Variants in TP53BP2 observed in about 807,000 individuals in gnomAD.
TP53BP2 encodes the protein tumor protein p53 binding protein 2, also known as apoptosis-stimulating of p53 protein 2.
Under a neutral mutation model 126.2 loss-of-function variants are expected in TP53BP2, and 62 were observed. That is an observed-to-expected ratio of 0.49 (90% CI 0.40 to 0.61). TP53BP2 has a LOEUF of 0.61. Ranked by LOEUF, TP53BP2 falls within the 20% of genes least tolerant of loss-of-function variation. The pLI, the probability that TP53BP2 is intolerant of heterozygous loss-of-function variation, is 0.00. For missense variants in TP53BP2, 1,215 were observed against 1,402.8 expected (o/e 0.87, Z 2.14); for synonymous variants, 485 against 502.9 (o/e 0.96, Z 0.48).
intron 17 of TP53BP2, among the ~76,000 whole-genome samples, chr1:223,783,758 A>G (rs989081653): frequency 2.6e-5 from 4 of 152,204 alleles, no homozygotes; most frequent in African/African-American, 9.6e-5. Flanking sequence ...AAAACAAAGA[A>G]TCTTGTCCTT....
intron 1 of TP53BP2, among the ~76,000 whole-genome samples, chr1:223,842,651 CT>C (rs902755720): frequency 1.3e-5 from 2 of 152,192 alleles, no homozygotes; most frequent in African/African-American, 4.8e-5. Context: ...CAGAGAGTAG[CT>C]TTTAGAGTTA....
In TP53BP2 at chr1:223,795,895, A is replaced by G. The variant is rs1449998390; in HGVS notation, c.2644T>C (p.Ser882Pro). 6.8e-7 allele frequency: 1 copy of G among 1,480,080 alleles called. No individual in the cohort carries two copies. The highest frequency in any genetic ancestry group is 1.1e-5 in the South Asian group (1 of 88,530). 91.7% of individuals were successfully genotyped at this position (1,480,080 alleles called of 1,614,324 possible). ...YPPYPPPPYP[S>P]GEPEGPGEDS... is the part of the protein sequence containing the mutation. ...TCTCCGGGCCCTTCAGGCTCCCCAG[A>G]TGGGTATGGTGGGGGTGGGTATGGA... is the stretch of plus-strand genomic sequence containing the variant. The change falls in exon 13 of 18, where the codon TCT (serine) becomes CCT (proline). Residue 882 changes from serine to proline, a missense_variant. Transcript: ENST00000343537.
chr1:223,813,957 G>C (rs184363545), intron 3 of TP53BP2, among the ~76,000 whole-genome samples: 2 of 152,330 alleles, frequency 1.3e-5, no homozygotes, highest in Admixed American at 6.5e-5. Flanking sequence ...TCTTGTCTAA[G>C]AGGACTTTCT....
chr1:223,786,604 GTGTATA>G (rs1057178890), intron 16 of TP53BP2, among the ~76,000 whole-genome samples: 2 of 149,984 alleles, frequency 1.3e-5, no homozygotes, highest in Non-Finnish European at 3.0e-5. Context: ...GTGTGTGTGT[GTGTATA>G]TTTTTTTTTC....
intron 17 of TP53BP2, 124 bp from the exon 18 acceptor site, chr1:223,781,018 T>C: frequency 1.1e-6 from 1 of 900,854 alleles, no homozygotes. Flanking sequence ...AGAAAAGCAC[T>C]CTTTGTGGTG....
Position 223,799,886 on chromosome 1 carries a change from T to C in TP53BP2, c.1485+13A>G, listed in dbSNP as rs201660303. 4.6e-4 allele frequency: 722 copies of C among 1,564,554 alleles called. No homozygotes were observed. Among genetic ancestry groups the C allele is most frequent in the Non-Finnish European group, 5.7e-4 (658 of 1,162,710 alleles). ...TACTATTAAATTTTAAAAACCAGGA[T>C]ATTTGTAGGTACCTGAGCATCCCGC... is the stretch of plus-strand genomic sequence containing the variant. On this transcript the variant is annotated intron_variant, in intron 11 of 17. Transcript: ENST00000343537.
intron 1 of TP53BP2, among the ~76,000 whole-genome samples, chr1:223,841,135 C>T (rs903197616): frequency 2.6e-5 from 4 of 152,074 alleles, no homozygotes; most frequent in East Asian, 1.9e-4. Context: ...CCCAGCTACT[C>T]GGGAGGCTGA....
At chr1:223,834,177 G>C (rs1426164602) in intron 1 of TP53BP2, among the ~76,000 whole-genome samples, 1 of 152,186 alleles carries the variant, frequency 6.6e-6, no homozygotes, top group Non-Finnish European at 1.5e-5. Context: ...CAAGAATAAG[G>C]AGTACGGACT....
At chr1:223,808,472 T>A (rs145984122) in intron 4 of TP53BP2, among the ~76,000 whole-genome samples, 16,410 of 147,970 alleles carry the variant, frequency 0.11, 1,060 homozygotes, top group African/African-American at 0.19. Flanking sequence ...ACCTAGGAGG[T>A]GGAGGTTGCA....
chr1:223,824,804 C>G (rs539441801), intron 1 of TP53BP2, among the ~76,000 whole-genome samples: 18 of 151,984 alleles, frequency 1.2e-4, no homozygotes, highest in Non-Finnish European at 2.1e-4. Context: ...TCCTTCTAAT[C>G]CCCCCTCACT....
intron 15 of TP53BP2, among the ~76,000 whole-genome samples, chr1:223,791,698 C>T (rs915568042): frequency 8.5e-5 from 13 of 152,160 alleles, no homozygotes; most frequent in African/African-American, 2.9e-4. Context: ...GTGATTACAA[C>T]TTTTTAAAAT....
chr1:223,797,412 T>C (rs1031998510), intron 12 of TP53BP2, among the ~76,000 whole-genome samples: 2 of 152,004 alleles, frequency 1.3e-5, no homozygotes, highest in Non-Finnish European at 2.9e-5. Context: ...TATATATATA[T>C]GTACGTATGT....
At position 223,799,910 on chromosome 1, in the gene TP53BP2, G is replaced by T. The variant is rs61758079; in HGVS notation, c.1474C>A (p.Arg492=). ...ATATTTGTAGGTACCTGAGCATCCC[G>T]CAAGATATCTTCACTGCTCTGGTTC... ...RKNQSSEDIL[R]DAQVANKNVA... Residue 492 remains arginine, a synonymous_variant, in exon 11 of 18, where the codon CGG becomes AGG. Transcript: ENST00000343537. 3 of 1,590,980 alleles carry T rather than the reference G, an allele frequency of 1.9e-6. No individual in the cohort carries two copies. Among genetic ancestry groups the T allele is most frequent in the Admixed American group, 1.9e-5 (1 of 53,032 alleles).
At chr1:223,832,631 C>G (rs1373287443) in intron 1 of TP53BP2, among the ~76,000 whole-genome samples, 1 of 152,176 alleles carries the variant, frequency 6.6e-6, no homozygotes, top group Non-Finnish European at 1.5e-5. Flanking sequence ...CATACACAGC[C>G]ATTTAGCCCA....
chr1:223,814,169 T>C (rs1258970884), intron 3 of TP53BP2, 71 bp downstream of exon 3: 1 of 1,122,858 alleles, frequency 8.9e-7, no homozygotes, highest in Non-Finnish European at 1.3e-6. Context: ...CTTCTCATCA[T>C]GTGCCACCTA....
chr1:223,788,177 T>TA (rs1662035227), intron 16 of TP53BP2, among the ~76,000 whole-genome samples: 1 of 152,102 alleles, frequency 6.6e-6, no homozygotes, highest in Non-Finnish European at 1.5e-5. Context: ...TCTTCATACC[T>TA]AGGGCCTGAA....
intron 1 of TP53BP2, chr1:223,834,808 A>G (rs1663864970): frequency 1.0e-6 from 1 of 984,896 alleles, no homozygotes; most frequent in African/African-American, 1.8e-5. Flanking sequence ...CCTCCAATCC[A>G]TCCATCCCTA....
At chr1:223,785,513 G>A (rs1024260024) in intron 16 of TP53BP2, among the ~76,000 whole-genome samples, 2 of 152,172 alleles carry the variant, frequency 1.3e-5, no homozygotes, top group Admixed American at 6.5e-5. Flanking sequence ...GAAGAAAGAC[G>A]TAGGAGATTC....
At chr1:223,844,486 T>C (rs1308004904) in intron 1 of TP53BP2, among the ~76,000 whole-genome samples, 1 of 152,232 alleles carries the variant, frequency 6.6e-6, no homozygotes, top group Non-Finnish European at 1.5e-5. Flanking sequence ...CCCTTATCTA[T>C]GGTCCATTAT....
Sources: allele counts gnomAD v4.1 joint callset (sites outside exome capture counted in the v4.1 genomes callset), GRCh38; gene constraint gnomAD v4.1.1; transcripts MANE v1.5; gene names NCBI Gene and HGNC (gene_info 2026-07-23, HGNC 2026-07-21).